The following EBF2 variants were observed in gnomAD, a reference collection of about 807,000 sequenced individuals.
EBF2 encodes transcription factor COE2.
Under a neutral mutation model 72.8 loss-of-function variants are expected in EBF2, and 21 were observed. That is an observed-to-expected ratio of 0.29 (90% CI 0.20 to 0.42). The LOEUF (loss-of-function observed/expected upper bound fraction) is 0.42. Ranked by LOEUF, EBF2 falls within the 10% of genes least tolerant of loss-of-function variation. The pLI, the probability that EBF2 is intolerant of heterozygous loss-of-function variation, is 1.00. For synonymous variants in EBF2, 299 were observed against 274.2 expected (o/e 1.09, Z -0.89); for missense variants, 637 against 731.2 (o/e 0.87, Z 1.49).
At chr8:26,009,095 A>G (rs898484869) in intron 6 of EBF2, among the ~76,000 whole-genome samples, 1 of 118,770 alleles carries the variant, frequency 8.4e-6, no homozygotes, top group Non-Finnish European at 1.6e-5. Context: ...TAAGTTATCC[A>G]TGAGTAAAAG....
chr8:26,032,301 A>G (rs1035013724), intron 6 of EBF2: 13 of 152,346 alleles, frequency 8.5e-5, no homozygotes, highest in African/African-American at 2.9e-4. Context: ...TGGAATAACA[A>G]CTTTGGAGAC....
intron 6 of EBF2, among the ~76,000 whole-genome samples, chr8:25,910,607 T>C (rs1246563901): frequency 6.6e-6 from 1 of 152,202 alleles, no homozygotes; most frequent in African/African-American, 2.4e-5. Context: ...GATAAATGTT[T>C]ACATAAAATC....
intron 6 of EBF2, among the ~76,000 whole-genome samples, chr8:25,947,042 G>C (rs1016321729): frequency 9.9e-5 from 15 of 152,078 alleles, no homozygotes; most frequent in African/African-American, 3.6e-4. Context: ...TACTGATAAT[G>C]GTCCCCTAGT....
chr8:25,844,638 T>C lies in EBF2; in HGVS notation c.1699A>G (p.Met567Val). The C allele has an allele frequency of 6.2e-7, 1 of 1,614,002 alleles. No individual in the cohort carries two copies. The highest frequency in any genetic ancestry group is 2.2e-5 in the East Asian group (1 of 44,878). Residue 567 changes from methionine to valine, a missense_variant and splice_region_variant, in exon 16 of 16, where the codon ATG (methionine) becomes GTG (valine). Met to Val is a conservative substitution (Grantham distance 21). Coordinates refer to ENST00000520164, the MANE Select transcript of EBF2 (RefSeq NM_022659.4). ...SSGNGNGFRA[M>V]TGLVVPPM Reference sequence around the variant, plus strand: ...ATCGGGGGTACAACAAGTCCGGTCATGGCTGCAAGGAAAGAGTGGCACAGG... The same window carrying C: ...ATCGGGGGTACAACAAGTCCGGTCACGGCTGCAAGGAAAGAGTGGCACAGG...
At position 26,041,101 on chromosome 8, in the gene EBF2, T is replaced by A. The variant is rs1338685189; in HGVS notation, c.289-99A>T. 27 of 1,407,074 alleles carry A rather than the reference T, an allele frequency of 1.9e-5. 1 individual carries two copies. In the Middle Eastern group the frequency reaches 1.1e-3, roughly 60 times the overall value. The allele number at this position is 1,407,074 out of a possible 1,614,324, so 87.2% of individuals were successfully genotyped here. A position where few individuals can be genotyped will look rare whatever the true frequency, so the allele number is the denominator to read the frequency against. ...CCCCACCTCACATCCCTTCTCCCCA[T>A]CAAAAGGCAGCTTTGAGTAACCCCC... On this transcript the variant is annotated intron_variant, in intron 2 of 15. Transcript: ENST00000520164.
At chr8:25,970,679 G>T (rs1442831192) in intron 6 of EBF2, among the ~76,000 whole-genome samples, 7 of 152,138 alleles carry the variant, frequency 4.6e-5, no homozygotes, top group Non-Finnish European at 7.4e-5. Flanking sequence ...GAGGCCTGCT[G>T]GTTCTGGCCA....
chr8:25,909,341 G>A (rs1456144299), intron 6 of EBF2, among the ~76,000 whole-genome samples: 2 of 151,274 alleles, frequency 1.3e-5, no homozygotes, highest in African/African-American at 2.4e-5. Context: ...CCTAGTTAAT[G>A]TTTGAAAATT....
chr8:25,896,985 A>G (rs1802872078), intron 7 of EBF2, among the ~76,000 whole-genome samples: 1 of 152,162 alleles, frequency 6.6e-6, no homozygotes, highest in Admixed American at 6.5e-5. Context: ...CACCTACCCC[A>G]CAAGCATGGA....
rs182941920 is a variant in EBF2 at position 25,844,680 on chromosome 8, T to A, written c.1697-40A>T. The A allele has an allele frequency of 1.4e-5, 22 of 1,613,154 alleles. No individual in the cohort carries two copies. In the South Asian group the frequency reaches 2.1e-4, roughly 15 times the overall value. On this transcript the variant is annotated intron_variant, in intron 15 of 15. Transcript: ENST00000520164. ...TGGCACAGGAATGAGACTTGGGGAC[T>A]TTTTATGTTCAAGGCTATGACACAG... is the stretch of plus-strand genomic sequence containing the variant.
chr8:26,020,862 A>G (rs1348092761), intron 6 of EBF2, among the ~76,000 whole-genome samples: 1 of 152,192 alleles, frequency 6.6e-6, no homozygotes, highest in African/African-American at 2.4e-5. Flanking sequence ...TAGCCACTCT[A>G]CATTTGCTTG....
chr8:25,913,096 A>C (rs778943589), intron 6 of EBF2, among the ~76,000 whole-genome samples: 2 of 152,126 alleles, frequency 1.3e-5, no homozygotes, highest in African/African-American at 2.4e-5. Flanking sequence ...CATTCAATTT[A>C]CCTCCAAATT....
intron 1 of EBF2, among the ~76,000 whole-genome samples, chr8:26,042,489 G>T (rs1037336743): frequency 2.6e-5 from 4 of 151,958 alleles, no homozygotes; most frequent in Admixed American, 6.6e-5. Flanking sequence ...ACCACCAAGT[G>T]GTCCGGCATC....
intron 11 of EBF2, among the ~76,000 whole-genome samples, chr8:25,861,833 C>A (rs1457308657): frequency 1.3e-5 from 2 of 152,166 alleles, no homozygotes; most frequent in Admixed American, 6.5e-5. Flanking sequence ...AAATTTTATT[C>A]TAATAAAGAT....
chr8:25,863,697 T>A (rs537932609), intron 10 of EBF2, among the ~76,000 whole-genome samples: 1 of 152,296 alleles, frequency 6.6e-6, no homozygotes, highest in South Asian at 2.1e-4. Flanking sequence ...ATCTTATTTT[T>A]TATATATATG....
chr8:25,952,176 G>A (rs1000864500), intron 6 of EBF2, among the ~76,000 whole-genome samples: 1 of 152,076 alleles, frequency 6.6e-6, no homozygotes, highest in African/African-American at 2.4e-5. Flanking sequence ...TGTGACTGCA[G>A]TCCCAACTAC....
intron 7 of EBF2, among the ~76,000 whole-genome samples, chr8:25,897,305 CA>C (rs1247322587): frequency 1.3e-5 from 2 of 151,976 alleles, no homozygotes; most frequent in Non-Finnish European, 2.9e-5. Context: ...CAACACTGGT[CA>C]ATTTACTCAG....
At chr8:25,903,046 T>C (rs1802980303) in intron 7 of EBF2, among the ~76,000 whole-genome samples, 1 of 152,198 alleles carries the variant, frequency 6.6e-6, no homozygotes, top group Non-Finnish European at 1.5e-5. Flanking sequence ...ATACCCATTT[T>C]AGTAGGTGTA....
chr8:25,987,231 T>C (rs1356509319), intron 6 of EBF2, among the ~76,000 whole-genome samples: 1 of 152,194 alleles, frequency 6.6e-6, no homozygotes, highest in Non-Finnish European at 1.5e-5. Context: ...TATATGAACA[T>C]CACAGATATA....
intron 6 of EBF2, among the ~76,000 whole-genome samples, chr8:25,918,417 T>G (rs1192052409): frequency 6.6e-6 from 1 of 152,234 alleles, no homozygotes; most frequent in East Asian, 1.9e-4. Flanking sequence ...AATTAAACTA[T>G]GAAGCCATGC....
Sources: allele counts gnomAD v4.1 joint callset (sites outside exome capture counted in the v4.1 genomes callset), GRCh38; gene constraint gnomAD v4.1.1; transcripts MANE v1.5; gene names NCBI Gene and HGNC (gene_info 2026-07-23, HGNC 2026-07-21).